Variants in SNTG2 observed in about 807,000 individuals in gnomAD.
The protein encoded by SNTG2 is syntrophin gamma 2.
Under a neutral mutation model 70.9 loss-of-function variants are expected in SNTG2, and 74 were observed. The observed-to-expected ratio is 1.04, with a 90% CI of 0.86 to 1.27. The LOEUF (loss-of-function observed/expected upper bound fraction) is 1.27. Among genes scored for constraint, SNTG2 ranks in the 50% most tolerant of loss-of-function variants. SNTG2 has a pLI of 0.00. For synonymous variants in SNTG2, 278 were observed against 273.8 expected (o/e 1.02, Z -0.15); for missense variants, 717 against 690.7 (o/e 1.04, Z -0.43).
chr2:1,152,016 A>C (rs559629911), intron 6 of SNTG2, among the ~76,000 whole-genome samples: 6 of 152,208 alleles, frequency 3.9e-5, no homozygotes, highest in Non-Finnish European at 8.8e-5. Context: ...ATACGTAAGC[A>C]TTTATGGTCC....
intron 9 of SNTG2, among the ~76,000 whole-genome samples, chr2:1,221,469 C>G (rs1674834293): frequency 1.8e-5 from 1 of 56,748 alleles, no homozygotes; most frequent in African/African-American, 9.9e-5. Context: ...GTCTCTGTCT[C>G]TCTGTCTCTC....
chr2:1,113,940 G>A (rs779658737), intron 4 of SNTG2, among the ~76,000 whole-genome samples: 1 of 151,266 alleles, frequency 6.6e-6, no homozygotes, highest in Non-Finnish European at 1.5e-5. Flanking sequence ...GGAGGATCGT[G>A]TTTCCTAAGT....
At chr2:1,200,175 G>C (rs545013884) in intron 8 of SNTG2, among the ~76,000 whole-genome samples, 2 of 151,816 alleles carry the variant, frequency 1.3e-5, no homozygotes, top group Admixed American at 6.6e-5. Flanking sequence ...CAGACACAGA[G>C]ACCAATAAAA....
intron 14 of SNTG2, among the ~76,000 whole-genome samples, chr2:1,275,001 AG>A (rs1259850066): frequency 6.6e-6 from 1 of 152,242 alleles, no homozygotes; most frequent in African/African-American, 2.4e-5. Flanking sequence ...TAGATCAAAG[AG>A]GAAGCCGACA....
intron 9 of SNTG2, among the ~76,000 whole-genome samples, chr2:1,224,333 T>A (rs1221665320): frequency 6.6e-6 from 1 of 152,190 alleles, no homozygotes; most frequent in Non-Finnish European, 1.5e-5. Flanking sequence ...GAAGTCACAC[T>A]CTTCAAAAAC....
At chr2:1,253,842 G>C (rs1277919656) in intron 12 of SNTG2, among the ~76,000 whole-genome samples, 3 of 152,192 alleles carry the variant, frequency 2.0e-5, no homozygotes, top group Non-Finnish European at 4.4e-5. Flanking sequence ...TACATGGCCA[G>C]AGAAGGAGGA....
chr2:1,366,257 CCTT>C (rs1219287486), intron 16 of SNTG2, among the ~76,000 whole-genome samples: 1 of 152,150 alleles, frequency 6.6e-6, no homozygotes. Context: ...TGCACTTAGA[CCTT>C]CTTTTCTACC....
intron 16 of SNTG2, among the ~76,000 whole-genome samples, chr2:1,365,771 G>C (rs1362888329): frequency 6.6e-6 from 1 of 152,222 alleles, no homozygotes; most frequent in African/African-American, 2.4e-5. Flanking sequence ...TAAAAGAAAG[G>C]CATGCAGAGA....
intron 4 of SNTG2, among the ~76,000 whole-genome samples, chr2:1,104,930 G>T (rs2148230838): frequency 6.6e-6 from 1 of 152,246 alleles, no homozygotes; most frequent in Non-Finnish European, 1.5e-5. Context: ...TTTTTAGGTA[G>T]GAAAGAAGGG....
At chr2:961,422 A>G (rs1660345370) in intron 1 of SNTG2, among the ~76,000 whole-genome samples, 1 of 152,112 alleles carries the variant, frequency 6.6e-6, no homozygotes, top group Admixed American at 6.5e-5. Flanking sequence ...GAGATGAACC[A>G]TGTCTGTGAA....
chr2:1,119,205 A>G (rs1173685684), intron 4 of SNTG2, among the ~76,000 whole-genome samples: 1 of 152,064 alleles, frequency 6.6e-6, no homozygotes, highest in East Asian at 1.9e-4. Context: ...GGAGAAAGTA[A>G]GTCTTTCCTA....
chr2:1,202,933 A>G (rs112556648), intron 8 of SNTG2, among the ~76,000 whole-genome samples: 150 of 151,916 alleles, frequency 9.9e-4, no homozygotes, highest in African/African-American at 3.4e-3. Flanking sequence ...ACTGGCAGAG[A>G]TGGGAAAAAC....
chr2:1,197,547 G>A (rs77585797), intron 8 of SNTG2, among the ~76,000 whole-genome samples: 63,553 of 136,526 alleles, frequency 0.47, 15,999 homozygotes, highest in East Asian at 0.62. Context: ...GTGTGTGTGT[G>A]TGTATATTTG....
chr2:1,029,005 T>C (rs907640794), intron 1 of SNTG2, among the ~76,000 whole-genome samples: 5 of 152,144 alleles, frequency 3.3e-5, no homozygotes, highest in Non-Finnish European at 7.4e-5. Context: ...GCATGCACCT[T>C]CTGTCCAGGC....
intron 4 of SNTG2, among the ~76,000 whole-genome samples, chr2:1,105,055 G>C (rs1405292646): frequency 1.3e-5 from 2 of 152,298 alleles, no homozygotes; most frequent in South Asian, 2.1e-4. Context: ...TTCACCCTCA[G>C]AAAGGCTGAG....
intron 6 of SNTG2, among the ~76,000 whole-genome samples, chr2:1,149,136 G>T (rs1448426717): frequency 6.6e-6 from 1 of 152,096 alleles, no homozygotes; most frequent in Non-Finnish European, 1.5e-5. Context: ...ACCAGGGGTC[G>T]CTGGGCAAGT....
At chr2:1,202,924 C>G (rs1460064006) in intron 8 of SNTG2, among the ~76,000 whole-genome samples, 4 of 151,804 alleles carry the variant, frequency 2.6e-5, no homozygotes, top group African/African-American at 9.7e-5. Flanking sequence ...AAACCAAAAA[C>G]TGGCAGAGAT....
chr2:1,201,071 A>G (rs1301905598), intron 8 of SNTG2, among the ~76,000 whole-genome samples: 1 of 152,066 alleles, frequency 6.6e-6, no homozygotes, highest in Admixed American at 6.5e-5. Context: ...AAAGGAAATC[A>G]GTATATCAAA....
chr2:1,299,863 G>T (rs1249878853), intron 14 of SNTG2, among the ~76,000 whole-genome samples: 1 of 152,238 alleles, frequency 6.6e-6, no homozygotes. Flanking sequence ...TTTACCATGA[G>T]AATTCAACGT....
Sources: allele counts gnomAD v4.1 joint callset (sites outside exome capture counted in the v4.1 genomes callset), GRCh38; gene constraint gnomAD v4.1.1; transcripts MANE v1.5; gene names NCBI Gene and HGNC (gene_info 2026-07-23, HGNC 2026-07-21).